BANK1: variants seen among roughly 807,000 people sequenced by gnomAD.
BANK1 encodes B-cell scaffold protein with ankyrin repeats.
Under a neutral mutation model 94.5 loss-of-function variants are expected in BANK1, and 95 were observed. The observed-to-expected ratio is 1.00, with a 90% CI of 0.85 to 1.19. The LOEUF (loss-of-function observed/expected upper bound fraction) is 1.19, where lower values mean the gene tolerates loss of function less well. Ranked by LOEUF, BANK1 falls within the 50% of genes most tolerant of loss-of-function variation. BANK1 has a pLI of 0.00. For synonymous variants in BANK1, 334 were observed against 308.4 expected (o/e 1.08, Z -0.87); for missense variants, 987 against 932.2 (o/e 1.06, Z -0.77).
chr4:101,859,442 C>G (rs1401034360), intron 3 of BANK1, among the ~76,000 whole-genome samples: 1 of 152,090 alleles, frequency 6.6e-6, no homozygotes, highest in African/African-American at 2.4e-5. Context: ...GGCTTATGAC[C>G]AATGTAGCCA....
chr4:101,870,602 A>C lies in BANK1; in HGVS notation c.861A>C (p.Glu287Asp), dbSNP rs776078480. 3.1e-6 allele frequency: 5 copies of C among 1,612,614 alleles called. No individual in the cohort carries two copies. The highest frequency in any genetic ancestry group is 3.3e-5 in the Admixed American group (2 of 59,786). The part of the protein sequence containing the change: ...IKYYPTAKAK[E>D]CLFRMADSGE... The stretch of plus-strand genomic sequence containing the variant: ...ACTACCCAACAGCAAAGGCAAAGGA[A>C]TGCCTATTCAGAATGGCAGATTCAG... Residue 287 changes from glutamate to aspartate, a missense_variant, in exon 5 of 17, where the codon GAA becomes GAC. Physicochemically the swap from Glu to Asp is conservative, Grantham distance 45. Transcript: ENST00000322953.
chr4:102,051,605 C>T (rs1033228072), intron 11 of BANK1, among the ~76,000 whole-genome samples: 1 of 152,168 alleles, frequency 6.6e-6, no homozygotes, highest in Non-Finnish European at 1.5e-5. Flanking sequence ...TAGTCTACCC[C>T]TACTGTCTAT....
chr4:102,031,058 A>T (rs1727290456), intron 10 of BANK1, among the ~76,000 whole-genome samples: 1 of 152,220 alleles, frequency 6.6e-6, no homozygotes, highest in African/African-American at 2.4e-5. Context: ...TCCCACCAAC[A>T]GTGTAAAAGC....
intron 7 of BANK1, among the ~76,000 whole-genome samples, chr4:101,983,907 G>A (rs1167615592): frequency 6.6e-6 from 1 of 151,924 alleles, no homozygotes; most frequent in Non-Finnish European, 1.5e-5. Context: ...TAATAGCAAA[G>A]AATAGTACTG....
rs1316238407 is a variant in BANK1 at position 102,074,490 on chromosome 4, C to CATCA, written c.*492_*495dup. On this transcript the variant is annotated 3_prime_UTR_variant, in exon 17 of 17. Transcript: ENST00000322953. ...TTCAGAGTTCCAGTCATTATTGTTA[C>CATCA]ATCATGTTTGCAGAAACCTTGTCTT... 6.6e-6 allele frequency: 1 copy of CATCA among 151,990 alleles called. No individual in the cohort carries two copies. Among genetic ancestry groups the CATCA allele is most frequent in the Non-Finnish European group, 1.5e-5 (1 of 67,886 alleles). 9.4% of individuals were successfully genotyped at this position (151,990 alleles called of 1,614,324 possible).
At chr4:102,055,669 C>A (rs1728203363) in intron 11 of BANK1, among the ~76,000 whole-genome samples, 1 of 151,746 alleles carries the variant, frequency 6.6e-6, no homozygotes, top group South Asian at 2.1e-4. Flanking sequence ...TTTTTATATA[C>A]CAGAAATATT....
chr4:101,811,666 A>G (rs1185345428), intron 1 of BANK1, among the ~76,000 whole-genome samples: 3 of 152,114 alleles, frequency 2.0e-5, no homozygotes, highest in Non-Finnish European at 4.4e-5. Context: ...AATCAGGGCC[A>G]TTTGTCAAAC....
intron 6 of BANK1, among the ~76,000 whole-genome samples, chr4:101,896,849 A>G (rs556726662): frequency 6.6e-6 from 1 of 152,020 alleles, no homozygotes; most frequent in East Asian, 1.9e-4. Context: ...TTAAATAATT[A>G]TAGTTGCCAA....
chr4:101,963,246 A>G (rs1724633471), intron 7 of BANK1, among the ~76,000 whole-genome samples: 6 of 152,060 alleles, frequency 3.9e-5, no homozygotes, highest in Admixed American at 3.9e-4. Flanking sequence ...TATTCTCCCA[A>G]TAAAAGTTGG....
intron 6 of BANK1, among the ~76,000 whole-genome samples, chr4:101,915,673 C>T (rs1176261311): frequency 6.6e-6 from 1 of 152,006 alleles, no homozygotes; most frequent in African/African-American, 2.4e-5. Flanking sequence ...AAGTATGTAT[C>T]TACTTGTGAA....
chr4:101,940,548 G>C (rs953683354), intron 7 of BANK1, among the ~76,000 whole-genome samples: 4 of 151,652 alleles, frequency 2.6e-5, no homozygotes, highest in Admixed American at 2.0e-4. Flanking sequence ...GCATTTGTTT[G>C]TCATTATCTC....
intron 11 of BANK1, among the ~76,000 whole-genome samples, chr4:102,052,648 A>C (rs1728091267): frequency 6.6e-6 from 1 of 152,210 alleles, no homozygotes; most frequent in Non-Finnish European, 1.5e-5. Context: ...TTTTCAGCTA[A>C]CAATTCATAA....
In BANK1 at chr4:102,074,718, A is replaced by G. The variant is rs1728867008; in HGVS notation, c.*719A>G. The G allele has an allele frequency of 6.6e-6, 1 of 151,572 alleles. No homozygotes were observed. The highest frequency in any genetic ancestry group is 1.5e-5 in the Non-Finnish European group (1 of 67,792). The allele number at this position is 151,572 out of a possible 1,614,324, so 9.4% of individuals were successfully genotyped here. ...TAATTTTCATGTACAAATGCCACAA[A>G]TAAATTGAATGTTTAAAGCTATGTC... On this transcript the variant is annotated 3_prime_UTR_variant, in exon 17 of 17. Transcript: ENST00000322953.
At chr4:101,954,825 T>C (rs1318232568) in intron 7 of BANK1, among the ~76,000 whole-genome samples, 2 of 152,124 alleles carry the variant, frequency 1.3e-5, no homozygotes, top group East Asian at 3.8e-4. Flanking sequence ...AAATTTGTGG[T>C]TCACCAAAAA....
intron 1 of BANK1, among the ~76,000 whole-genome samples, chr4:101,828,409 A>C (rs960834254): frequency 8.4e-5 from 12 of 142,434 alleles, no homozygotes; most frequent in East Asian, 4.1e-4. Context: ...ATATATATAT[A>C]TCTCCATATA....
intron 11 of BANK1, among the ~76,000 whole-genome samples, chr4:102,050,903 C>T (rs1383051476): frequency 6.6e-6 from 1 of 152,144 alleles, no homozygotes; most frequent in Non-Finnish European, 1.5e-5. Flanking sequence ...ATTTTATCTG[C>T]ATGGCCCCTA....
At chr4:101,965,898 G>A (rs1420232823) in intron 7 of BANK1, among the ~76,000 whole-genome samples, 2 of 152,032 alleles carry the variant, frequency 1.3e-5, no homozygotes, top group African/African-American at 4.8e-5. Flanking sequence ...CTAATTCATA[G>A]CCTTATGATA....
chr4:101,963,882 C>T (rs1159631032), intron 7 of BANK1, among the ~76,000 whole-genome samples: 1 of 152,086 alleles, frequency 6.6e-6, no homozygotes, highest in Non-Finnish European at 1.5e-5. Context: ...TCTGTCCATC[C>T]TTCAATTTCT....
chr4:101,819,486 G>A (rs185221745), intron 1 of BANK1, among the ~76,000 whole-genome samples: 37 of 152,130 alleles, frequency 2.4e-4, no homozygotes, highest in South Asian at 2.1e-3. Flanking sequence ...AACCTTCATA[G>A]GCTATACATT....
Sources: gnomAD v4.1 joint callset for allele counts (sites outside exome capture counted in the v4.1 genomes callset) on GRCh38, gnomAD v4.1.1 for gene constraint, MANE v1.5 for transcripts, NCBI Gene and HGNC (gene_info 2026-07-23, HGNC 2026-07-21) for gene names.